DCAF8: variants seen among roughly 807,000 people sequenced by gnomAD.
DCAF8 encodes DDB1 and CUL4 associated factor 8.
A neutral mutation model predicts 68.0 loss-of-function variants in DCAF8; 20 were observed. The observed-to-expected ratio is 0.29, with a 90% CI of 0.21 to 0.43. DCAF8 has a LOEUF of 0.43. Ranked by LOEUF, DCAF8 falls within the 20% of genes least tolerant of loss-of-function variation. The pLI, the probability that DCAF8 is intolerant of heterozygous loss-of-function variation, is 1.00. For missense variants in DCAF8, 460 were observed against 771.0 expected (o/e 0.60, Z 4.78); for synonymous variants, 230 against 276.9 (o/e 0.83, Z 1.68).
At chr1:160,224,708 G>C (rs1193924728) in intron 9 of DCAF8, among the ~76,000 whole-genome samples, 159 bp from the exon 10 acceptor site, 4 of 152,194 alleles carry the variant, frequency 2.6e-5, no homozygotes, top group African/African-American at 9.7e-5. Flanking sequence ...CGACTGTACA[G>C]GGTAGACTAA....
chr1:160,241,326 A>C (rs1244476295), intron 3 of DCAF8, among the ~76,000 whole-genome samples: 1 of 152,126 alleles, frequency 6.6e-6, no homozygotes, highest in East Asian at 1.9e-4. Context: ...TACTTCCATT[A>C]GTTTGAATTT....
rs1156435440 is a variant in DCAF8 at position 160,255,393 on chromosome 1, CA to C, written c.-27+5891del. Among the ~76,000 whole-genome samples, 47 of 152,280 alleles carry C rather than the reference CA, an allele frequency of 3.1e-4. No homozygotes were observed. In the East Asian group the frequency reaches 7.9e-3, roughly 26 times the overall value. ...AAGTAATCCTCCTACCTTGGCCTCC[CA>C]AAGTGCTGGGATTATAGGTATGTAC... On this transcript the variant is annotated intron_variant, in intron 2 of 13. Transcript: ENST00000368074.
At chr1:160,253,217 T>C (rs539462632) in intron 2 of DCAF8, among the ~76,000 whole-genome samples, 105 of 152,216 alleles carry the variant, frequency 6.9e-4, no homozygotes, top group African/African-American at 2.4e-3. Flanking sequence ...AAGGTGAGGA[T>C]AGGCTGGGCG....
rs141000337 is a variant in DCAF8, at chr1:160,224,503, G to A, written c.1248C>T (p.Ser416=). ...CATACTGGGCCCCATCACTGTGAGAGGAGTTGAAGAGGTAAATGTCTTCAT... is the reference window on the plus strand; with the variant it reads ...CATACTGGGCCCCATCACTGTGAGAAGAGTTGAAGAGGTAAATGTCTTCAT... ...YNDEDIYLFN[S]SHSDGAQYVK... Residue 416 remains serine (S), a synonymous_variant, in exon 10 of 14, where the codon TCC becomes TCT. Coordinates refer to ENST00000368074, the MANE Select transcript of DCAF8 (RefSeq NM_015726.4). The A allele has an allele frequency of 3.7e-6, 6 of 1,614,174 alleles. No homozygotes were observed. The South Asian group carries it at 4.4e-5, about 12-fold the overall frequency.
chr1:160,262,239 A>AGG (rs200282728), intron 1 of DCAF8: 1 of 395,282 alleles, frequency 2.5e-6, no homozygotes, highest in East Asian at 3.6e-5. Flanking sequence ...CTGGGAAGCG[A>AGG]GGGGGGGCGC....
intron 2 of DCAF8, among the ~76,000 whole-genome samples, chr1:160,260,597 A>G (rs984397453): frequency 1.3e-5 from 2 of 152,122 alleles, no homozygotes; most frequent in African/African-American, 4.8e-5. Flanking sequence ...CGAAAACTGC[A>G]TTTATAAGTA....
intron 4 of DCAF8, chr1:160,239,206 T>A: frequency 2.8e-6 from 3 of 1,084,486 alleles, no homozygotes; most frequent in South Asian, 6.8e-5. Context: ...CTTTCCAGAA[T>A]AACAACAGTA....
chr1:160,258,359 C>G (rs1656922966), intron 2 of DCAF8, among the ~76,000 whole-genome samples: 1 of 152,056 alleles, frequency 6.6e-6, no homozygotes, highest in South Asian at 2.1e-4. Flanking sequence ...AATAAATAGA[C>G]TGCACTTTAA....
chr1:160,217,614 C>T lies in DCAF8; in HGVS notation c.1772G>A (p.Arg591Gln), dbSNP rs766602529. Residue 591 changes from arginine to glutamine, a missense_variant, in exon 14 of 14, where the codon CGG becomes CAG. Physicochemically the swap from Arg to Gln is conservative, Grantham distance 43 (BLOSUM62 1). This residue lies in a region of DCAF8 where 80 missense variants were observed against 115.1 expected (regional missense o/e 0.70). Transcript: ENST00000368074. ...GCCTCAAGATGGCATGCACTGCACCCGGTCAGGGCCCTCCTCCTCGTCCGA... is the reference window on the plus strand; with the variant it reads ...GCCTCAAGATGGCATGCACTGCACCTGGTCAGGGCCCTCCTCCTCGTCCGA... ...DTSDEEEGPD[R>Q]VQCMPS The T allele has an allele frequency of 3.1e-6, 5 of 1,613,674 alleles. No homozygotes were observed. The highest frequency in any genetic ancestry group is 1.3e-5 in the African/African-American group (1 of 74,934).
Position 160,225,052 on chromosome 1 carries a change from G to A in DCAF8, c.1201+10C>T. On this transcript the variant is annotated intron_variant, in intron 9 of 13. Transcript: ENST00000368074. ...CATGCCAGCCTAGGAGCTGGGCCCT[G>A]CTCACGTACCTGTGCCGTCGTGGCT... 6.2e-7 allele frequency: 1 copy of A among 1,614,090 alleles called. No individual in the cohort carries two copies. Among genetic ancestry groups the A allele is most frequent in the Non-Finnish European group, 8.5e-7 (1 of 1,179,930 alleles).
chr1:160,218,462 AAG>A, intron 12 of DCAF8, 22 bp from the exon 13 acceptor site: 1 of 1,587,712 alleles, frequency 6.3e-7, no homozygotes, highest in Non-Finnish European at 8.7e-7. Context: ...AAAGGTTGGG[AAG>A]AGGGGGCAGC....
chr1:160,246,497 T>C (rs1297663394), intron 2 of DCAF8, among the ~76,000 whole-genome samples: 1 of 152,188 alleles, frequency 6.6e-6, no homozygotes, highest in Non-Finnish European at 1.5e-5. Context: ...AGTGAAAACT[T>C]TGAGCAGGAA....
At chr1:160,250,352 G>A (rs992906615) in intron 2 of DCAF8, among the ~76,000 whole-genome samples, 1 of 151,354 alleles carries the variant, frequency 6.6e-6, no homozygotes, top group Non-Finnish European at 1.5e-5. Context: ...TGTAATCCCA[G>A]CTACTCGGGA....
chr1:160,257,381 A>T (rs973539229), intron 2 of DCAF8, among the ~76,000 whole-genome samples: 1 of 152,200 alleles, frequency 6.6e-6, no homozygotes, highest in Admixed American at 6.5e-5. Flanking sequence ...TATAATCTGG[A>T]TATTTCCTAG....
intron 8 of DCAF8, among the ~76,000 whole-genome samples, chr1:160,225,372 G>A (rs751298136): frequency 1.4e-4 from 22 of 152,214 alleles, no homozygotes; most frequent in Non-Finnish European, 2.6e-4. Context: ...CAAGGTGCAA[G>A]GCAGTTATTT....
At chr1:160,251,245 G>C (rs999362439) in intron 2 of DCAF8, among the ~76,000 whole-genome samples, 3 of 152,166 alleles carry the variant, frequency 2.0e-5, no homozygotes, top group African/African-American at 7.2e-5. Context: ...ACTCATAAAT[G>C]AGCAGCTGTT....
intron 6 of DCAF8, among the ~76,000 whole-genome samples, chr1:160,233,891 A>G (rs1655779761): frequency 6.6e-6 from 1 of 152,192 alleles, no homozygotes; most frequent in African/African-American, 2.4e-5. Context: ...TGGCAATAGG[A>G]GGAAAAAATG....
Position 160,223,883 on chromosome 1 carries a change from T to G in DCAF8, c.1309+559A>C, listed in dbSNP as rs142168388. On this transcript the variant is annotated intron_variant, in intron 10 of 13. Coordinates refer to ENST00000368074, the MANE Select transcript of DCAF8 (RefSeq NM_015726.4). ...CTGCAGTGAGCCATAATTGCACCAT[T>G]GCACTCCAGCCTGGACAACAGAGTG... Among the ~76,000 whole-genome samples, 1,161 of 152,266 alleles carry G rather than the reference T, an allele frequency of 7.6e-3. 21 individuals are homozygous for G. The highest frequency in any genetic ancestry group is 0.027 in the African/African-American group (1,106 of 41,528).
intron 2 of DCAF8, among the ~76,000 whole-genome samples, chr1:160,260,605 G>A (rs1018526417): frequency 6.6e-6 from 1 of 152,206 alleles, no homozygotes; most frequent in South Asian, 2.1e-4. Flanking sequence ...GCATTTATAA[G>A]TATGTTCTGA....
Sources: gnomAD v4.1 joint callset for allele counts (sites outside exome capture counted in the v4.1 genomes callset) on GRCh38, gnomAD v4.1.1 for gene constraint, gnomAD v4.1.1 regional missense constraint, MANE v1.5 for transcripts, NCBI Gene and HGNC (gene_info 2026-07-23, HGNC 2026-07-21) for gene names.